The following TTPA variants were observed in gnomAD, a reference collection of about 807,000 sequenced individuals.
TTPA encodes alpha tocopherol transfer protein, also known as alpha-tocopherol transfer protein.
TTPA carries 23 observed loss-of-function variants against 25.9 expected under a neutral mutation model. The observed-to-expected ratio is 0.89, with a 90% CI of 0.64 to 1.26. The LOEUF is 1.26. Among genes scored for constraint, TTPA ranks in the 50% most tolerant of loss-of-function variants. TTPA has a pLI of 0.00. For synonymous variants in TTPA, 148 were observed against 137.3 expected, an observed-to-expected ratio of 1.08 and a Z score of -0.54; for missense variants, 337 against 353.1, an observed-to-expected ratio of 0.95 and a Z score of 0.37.
chr8:63,066,622 G>A (rs2129747461), intron 2 of TTPA, among the ~76,000 whole-genome samples: 1 of 152,222 alleles, frequency 6.6e-6, no homozygotes, highest in South Asian at 2.1e-4. Context: ...AGCCACGGAA[G>A]CACTTAGGTA....
At chr8:63,067,547 A>C (rs1019850463) in intron 2 of TTPA, among the ~76,000 whole-genome samples, 2 of 152,114 alleles carry the variant, frequency 1.3e-5, no homozygotes, top group African/African-American at 4.8e-5. Context: ...TTTCAAAAAA[A>C]AAAAAAAACA....
intron 4 of TTPA, 27 bp downstream of exon 4, chr8:63,064,179 A>G: frequency 6.6e-7 from 1 of 1,513,864 alleles, no homozygotes; most frequent in Non-Finnish European, 9.2e-7. Flanking sequence ...GTGTAGAGGA[A>G]CACAGACTTG....
Position 63,085,829 on chromosome 8 carries a change from G to A in TTPA, c.193C>T (p.Leu65=), listed in dbSNP as rs535442955. 3.3e-6 allele frequency: 5 copies of A among 1,536,570 alleles called. No individual in the cohort carries two copies. In the African/African-American group the frequency reaches 5.5e-5, roughly 17 times the overall value. Residue 65 remains leucine (L), a synonymous_variant, in exon 1 of 5, where the codon CTG becomes TTG. Coordinates refer to ENST00000260116, the MANE Select transcript of TTPA (RefSeq NM_000370.3). ...GCACGCACGCTTACCCGCCAGGCCA[G>A]GTCCAGATCGAAATCCCGGGCGCGC... ...FLRARDFDLD[L]AWRLLKNYYK...
intron 4 of TTPA, 140 bp downstream of exon 4, chr8:63,064,063 TGGC>T: frequency 1.6e-6 from 1 of 619,290 alleles, no homozygotes; most frequent in Admixed American, 3.0e-5. Context: ...TTTTTTTAGT[TGGC>T]TTGTTAGATA....
chr8:63,059,265 C>T (rs1347187185), downstream of TTPA, among the ~76,000 whole-genome samples: 1 of 151,396 alleles, frequency 6.6e-6, no homozygotes, highest in Non-Finnish European at 1.5e-5. Flanking sequence ...ATCTCCTGAC[C>T]TCGTGATCCG....
At chr8:63,069,816 T>C (rs1805456504) in intron 2 of TTPA, among the ~76,000 whole-genome samples, 1 of 152,140 alleles carries the variant, frequency 6.6e-6, no homozygotes, top group Non-Finnish European at 1.5e-5. Context: ...ATAGTGTCTA[T>C]TGTAGAACAG....
At chr8:63,068,278 T>G (rs1004368600) in intron 2 of TTPA, among the ~76,000 whole-genome samples, 1 of 152,178 alleles carries the variant, frequency 6.6e-6, no homozygotes, top group African/African-American at 2.4e-5. Flanking sequence ...CTAAAAAAAT[T>G]CAGAGTTTAA....
intron 1 of TTPA, among the ~76,000 whole-genome samples, chr8:63,082,428 T>C (rs1445914797): frequency 1.3e-5 from 2 of 152,206 alleles, no homozygotes; most frequent in Non-Finnish European, 2.9e-5. Context: ...CTGGGAAAAC[T>C]GGCTAGCCAT....
chr8:63,071,568 G>A (rs1805482894), intron 2 of TTPA, among the ~76,000 whole-genome samples: 1 of 152,070 alleles, frequency 6.6e-6, no homozygotes, highest in Admixed American at 6.6e-5. Flanking sequence ...GAAGTTATAG[G>A]TCACCAACTG....
chr8:63,072,970 T>C lies in TTPA; in HGVS notation c.323A>G (p.Asp108Gly). ...AGYHGVLRSRDPTGSKVLIYR... is the reference protein window; with the variant it reads ...AGYHGVLRSRGPTGSKVLIYR... ...AATAAGAACTTTGCTGCCAGTGGGA[T>C]CCCTGGATCTCAGGACTCCATGGTA... Residue 108 changes from aspartate (D) to glycine (G), a missense_variant, in exon 2 of 5, where the codon GAT becomes GGT. By Grantham distance (94) the Asp-to-Gly change is moderately conservative. Transcript: ENST00000260116. The C allele has an allele frequency of 6.2e-7, 1 of 1,614,106 alleles. No homozygotes were observed. The highest frequency in any genetic ancestry group is 8.5e-7 in the Non-Finnish European group (1 of 1,180,018).
chr8:63,074,688 C>A (rs1353134225), intron 1 of TTPA, among the ~76,000 whole-genome samples: 3 of 152,138 alleles, frequency 2.0e-5, no homozygotes, highest in Non-Finnish European at 4.4e-5. Flanking sequence ...ATGCTTTTTA[C>A]TTTTCTGATA....
intron 2 of TTPA, among the ~76,000 whole-genome samples, chr8:63,069,522 G>A (rs961466479): frequency 1.3e-5 from 2 of 151,910 alleles, no homozygotes; most frequent in African/African-American, 4.8e-5. Context: ...TTGAGGCCAG[G>A]AGTGAGACCA....
chr8:63,083,035 A>G (rs1035096754), intron 1 of TTPA, among the ~76,000 whole-genome samples: 14 of 152,202 alleles, frequency 9.2e-5, no homozygotes, highest in Non-Finnish European at 1.9e-4. Flanking sequence ...TTACACTGTT[A>G]GTGGGAGTGT....
chr8:63,067,516 C>A (rs1254222290), intron 2 of TTPA, among the ~76,000 whole-genome samples: 2 of 134,136 alleles, frequency 1.5e-5, no homozygotes, highest in Admixed American at 7.3e-5. Flanking sequence ...AAAAAAAAAT[C>A]ATAACTAAGC....
rs934167634 is a variant in TTPA, at chr8:63,060,146, C to G, written c.*1106G>C. ...TTTTAAAATGTAAACATTTCCTTTC[C>G]TTTGTGTAGTTACGTTATTGTTAAC... On this transcript the variant is annotated 3_prime_UTR_variant, in exon 5 of 5. Coordinates refer to ENST00000260116, the MANE Select transcript of TTPA (RefSeq NM_000370.3). 1 of 152,018 alleles carries G rather than the reference C, an allele frequency of 6.6e-6. No individual in the cohort carries two copies. Among genetic ancestry groups the G allele is most frequent in the African/African-American group, 2.4e-5 (1 of 41,358 alleles). The allele number at this position is 152,018 out of a possible 1,614,324, so 9.4% of individuals were successfully genotyped here.
At chr8:63,074,272 G>T (rs2129766122) in intron 1 of TTPA, among the ~76,000 whole-genome samples, 1 of 152,280 alleles carries the variant, frequency 6.6e-6, no homozygotes, top group East Asian at 1.9e-4. Flanking sequence ...ATGGCTGGAG[G>T]AAGACAGAAA....
intron 1 of TTPA, among the ~76,000 whole-genome samples, chr8:63,082,762 C>A (rs954230557): frequency 9.2e-5 from 14 of 152,136 alleles, no homozygotes; most frequent in African/African-American, 3.1e-4. Flanking sequence ...GGGCTAATAT[C>A]CAGAATGTGC....
rs942666781 is a variant in TTPA, at chr8:63,060,180, G to A, written c.*1072C>T. 1.3e-5 allele frequency: 2 copies of A among 152,148 alleles called. No individual in the cohort carries two copies. Among genetic ancestry groups the A allele is most frequent in the Non-Finnish European group, 2.9e-5 (2 of 68,026 alleles). 9.4% of individuals were successfully genotyped at this position (152,148 alleles called of 1,614,324 possible). A position where few individuals can be genotyped will look rare whatever the true frequency, so the allele number is the denominator to read the frequency against. ...GTTACGTTATTGTTAACTAAAAACA[G>A]TCCATGTATAAGACAAGTAAGTATG... On this transcript the variant is annotated 3_prime_UTR_variant, in exon 5 of 5. Coordinates refer to ENST00000260116, the MANE Select transcript of TTPA (RefSeq NM_000370.3).
intron 2 of TTPA, among the ~76,000 whole-genome samples, chr8:63,070,603 C>A (rs1475242160): frequency 6.6e-6 from 1 of 152,156 alleles, no homozygotes; most frequent in Admixed American, 6.5e-5. Context: ...ATTTTCAAAT[C>A]TCTTGAGTTA....
Sources: gnomAD v4.1 joint callset for allele counts (sites outside exome capture counted in the v4.1 genomes callset) on GRCh38, gnomAD v4.1.1 for gene constraint, MANE v1.5 for transcripts, NCBI Gene and HGNC (gene_info 2026-07-23, HGNC 2026-07-21) for gene names.